Variants in POTEE observed in about 807,000 individuals in gnomAD.
POTEE encodes POTE ankyrin domain family member E.
POTEE carries 21 observed loss-of-function variants against 74.2 expected under a neutral mutation model. The observed-to-expected ratio is 0.28, with a 90% CI of 0.20 to 0.41. The LOEUF (loss-of-function observed/expected upper bound fraction) is 0.41, where lower values mean the gene tolerates loss of function less well. Among genes scored for constraint, POTEE ranks in the 10% least tolerant of loss-of-function variants. The pLI is 1.00. For missense variants in POTEE, 525 were observed against 1,158.6 expected (o/e 0.45, Z 7.94); for synonymous variants, 211 against 432.8 (o/e 0.49, Z 6.36).
chr2:131,212,257 T>G (rs1375372296), intron 2 of POTEE, among the ~76,000 whole-genome samples: 2 of 151,946 alleles, frequency 1.3e-5, no homozygotes, highest in South Asian at 2.1e-4. Context: ...TAGTGTTCCA[T>G]TATTGGAATG....
At chr2:131,228,802 C>G (rs62177522) in intron 8 of POTEE, among the ~76,000 whole-genome samples, 106,865 of 144,338 alleles carry the variant, frequency 0.74, 43,369 homozygotes, top group Non-Finnish European at 0.86. Flanking sequence ...AAGGAGTTCA[C>G]TAAATCCAAG....
chr2:131,229,987 A>T (rs1286416044), intron 8 of POTEE, among the ~76,000 whole-genome samples: 1 of 152,164 alleles, frequency 6.6e-6, no homozygotes, highest in Non-Finnish European at 1.5e-5. Flanking sequence ...CTCCCATGTC[A>T]GCTGGAATTG....
Position 131,238,218 on chromosome 2 carries a change from A to T in POTEE, c.1222A>T (p.Asn408Tyr). ...PEKMSQELEI[N>Y]KDGDREVEEE... The stretch of plus-strand genomic sequence containing the variant: ...GAAAATGTCTCAAGAACTAGAAATA[A>T]ATAAGGATGGTGATAGAGAGGTATA... Residue 408 changes from asparagine (N) to tyrosine (Y), a missense_variant, in exon 11 of 18, where the codon AAT becomes TAT. By Grantham distance (143) the Asn-to-Tyr change is moderately radical. Coordinates refer to ENST00000683005, the MANE Select transcript of POTEE (RefSeq NM_001083538.3). 1.2e-6 allele frequency: 2 copies of T among 1,602,554 alleles called. No homozygotes were observed. The highest frequency in any genetic ancestry group is 1.7e-6 in the Non-Finnish European group (2 of 1,176,464).
intron 9 of POTEE, among the ~76,000 whole-genome samples, chr2:131,234,170 A>AC (rs1433281987): frequency 1.3e-5 from 2 of 151,632 alleles, no homozygotes; most frequent in African/African-American, 4.9e-5. Context: ...CTTAATGGAT[A>AC]AAGATGAATA....
intron 4 of POTEE, among the ~76,000 whole-genome samples, chr2:131,222,107 A>G (rs1378633541): frequency 6.6e-6 from 1 of 152,258 alleles, no homozygotes; most frequent in Non-Finnish European, 1.5e-5. Context: ...AAGGTAGAAA[A>G]TAGTAAAAGA....
chr2:131,243,749 TC>T (rs1292536015), intron 12 of POTEE, among the ~76,000 whole-genome samples: 1 of 134,542 alleles, frequency 7.4e-6, no homozygotes, highest in African/African-American at 2.7e-5. Context: ...GCGCCTGTAG[TC>T]CCAGCTGCTA....
intron 6 of POTEE, among the ~76,000 whole-genome samples, chr2:131,226,515 TG>T (rs1354968106): frequency 7.1e-6 from 1 of 140,974 alleles, no homozygotes; most frequent in African/African-American, 2.8e-5. Context: ...TTTGTTTAGA[TG>T]GGAAAAATAT....
At chr2:131,210,198 G>A (rs1259627124) in intron 1 of POTEE, among the ~76,000 whole-genome samples, 4 of 129,384 alleles carry the variant, frequency 3.1e-5, no homozygotes, top group Non-Finnish European at 4.9e-5. Context: ...CTTACTCAGG[G>A]TGCGCTATCA....
At chr2:131,236,003 C>T (rs1701120769) in intron 9 of POTEE, among the ~76,000 whole-genome samples, 2 of 151,984 alleles carry the variant, frequency 1.3e-5, no homozygotes, top group Non-Finnish European at 2.9e-5. Context: ...AGGTTCGCAA[C>T]AGCTCAGCAG....
At chr2:131,210,215 G>C (rs1419714540) in intron 1 of POTEE, among the ~76,000 whole-genome samples, 12 of 115,778 alleles carry the variant, frequency 1.0e-4, no homozygotes, top group African/African-American at 1.7e-4. Flanking sequence ...ATCAGGAGCT[G>C]CGCTACCTGT....
chr2:131,234,721 ACTT>A (rs1373792393), intron 9 of POTEE, among the ~76,000 whole-genome samples: 2 of 114,024 alleles, frequency 1.8e-5, no homozygotes, highest in African/African-American at 3.5e-5. Flanking sequence ...AATTTCTCTG[ACTT>A]CTTATAGAAT....
chr2:131,223,291 A>G (rs1235916456), intron 4 of POTEE, among the ~76,000 whole-genome samples: 1 of 136,110 alleles, frequency 7.3e-6, no homozygotes, highest in Non-Finnish European at 1.6e-5. Flanking sequence ...TATTTTATTG[A>G]TGAGGAAACT....
intron 4 of POTEE, among the ~76,000 whole-genome samples, chr2:131,219,784 C>A (rs1166328636): frequency 1.3e-5 from 2 of 151,274 alleles, no homozygotes; most frequent in East Asian, 1.9e-4. Flanking sequence ...TCACTTTTAC[C>A]TAAGCCAAAT....
At position 131,264,076 on chromosome 2, in the gene POTEE, C is replaced by G; in HGVS notation, c.2621C>G (p.Ala874Gly). The G allele has an allele frequency of 6.2e-7, 1 of 1,614,228 alleles. No homozygotes were observed. Among genetic ancestry groups the G allele is most frequent in the Middle Eastern group, 1.7e-4 (1 of 6,060 alleles). The change falls in exon 18 of 18, where the codon GCC (alanine) becomes GGC (glycine). Residue 874 changes from alanine (A) to glycine (G), a missense_variant. Coordinates refer to ENST00000683005, the MANE Select transcript of POTEE (RefSeq NM_001083538.3). ...TATGAGGGGAATGCCCTCCCCCATG[C>G]CACCCTGCGCCTAGACCTGGCTGGG... ...PIYEGNALPH[A>G]TLRLDLAGRE...
chr2:131,217,784 A>ACGCCTCG (rs1700480892), intron 3 of POTEE, among the ~76,000 whole-genome samples, 101 bp downstream of exon 3: 1 of 120,420 alleles, frequency 8.3e-6, no homozygotes, highest in South Asian at 2.6e-4. Flanking sequence ...CCGCACGCGC[A>ACGCCTCG]CGCGCACGCC....
chr2:131,256,978 T>A (rs1377571462), intron 16 of POTEE, among the ~76,000 whole-genome samples: 3 of 152,184 alleles, frequency 2.0e-5, no homozygotes, highest in Non-Finnish European at 4.4e-5. Context: ...CCTGTTTGTG[T>A]CTTGACATCA....
intron 4 of POTEE, among the ~76,000 whole-genome samples, chr2:131,222,759 T>C (rs923590462): frequency 7.2e-5 from 11 of 152,328 alleles, no homozygotes; most frequent in African/African-American, 2.6e-4. Context: ...TAAAGTTTAT[T>C]GAAAACCAAA....
At chr2:131,236,263 G>T (rs1337872791) in intron 9 of POTEE, among the ~76,000 whole-genome samples, 2 of 152,044 alleles carry the variant, frequency 1.3e-5, no homozygotes, top group African/African-American at 4.8e-5. Flanking sequence ...CCTTGCTCTG[G>T]GATGTCTGGA....
At chr2:131,253,924 T>C (rs1453513278) in intron 16 of POTEE, among the ~76,000 whole-genome samples, 1 of 144,640 alleles carries the variant, frequency 6.9e-6, no homozygotes, top group Non-Finnish European at 1.5e-5. Flanking sequence ...TGCAACCATT[T>C]TTAAAAAATG....
Sources: gnomAD v4.1 joint callset for allele counts (sites outside exome capture counted in the v4.1 genomes callset) on GRCh38, gnomAD v4.1.1 for gene constraint, MANE v1.5 for transcripts, NCBI Gene and HGNC (gene_info 2026-07-23, HGNC 2026-07-21) for gene names.